FOXO1: variants seen among roughly 807,000 people sequenced by gnomAD.
FOXO1 encodes the protein forkhead box O1, also known as forkhead box protein O1.
Under a neutral mutation model 44.1 loss-of-function variants are expected in FOXO1, and 6 were observed. The ratio of observed to expected loss-of-function variants is 0.14; its 90% confidence interval spans 0.07 to 0.27. The LOEUF (loss-of-function observed/expected upper bound fraction) is 0.27, where lower values mean the gene tolerates loss of function less well. Among genes scored for constraint, FOXO1 ranks in the 10% least tolerant of loss-of-function variants. FOXO1 has a pLI of 1.00. For missense variants in FOXO1, 737 were observed against 888.8 expected, an observed-to-expected ratio of 0.83 and a Z score of 2.17; for synonymous variants, 380 against 362.7, an observed-to-expected ratio of 1.05 and a Z score of -0.54.
At chr13:40,613,533 T>C (rs557266137) in intron 1 of FOXO1, among the ~76,000 whole-genome samples, 1 of 152,304 alleles carries the variant, frequency 6.6e-6, no homozygotes, top group South Asian at 2.1e-4. Flanking sequence ...CCGGTCCCCA[T>C]CTGCAGTTTG....
chr13:40,647,099 A>G (rs952069620), intron 1 of FOXO1, among the ~76,000 whole-genome samples: 1 of 152,232 alleles, frequency 6.6e-6, no homozygotes, highest in African/African-American at 2.4e-5. Flanking sequence ...GGAAGTCTAC[A>G]TTAGTAAAGT....
rs1430919534 is a variant in FOXO1 at position 40,559,508 on chromosome 13, C to A, written c.*14+1G>T. On this transcript the variant is annotated splice_donor_variant, in intron 2 of 2. Transcript: ENST00000379561. LOFTEE classifies it low-confidence loss of function (3UTR_SPLICE). The stretch of plus-strand genomic sequence containing the variant: ...GTCTTTTGATATTGGGGTGAACTTA[C>A]CTGCTCACTAACCCTCAGCCTGACA... The A allele has an allele frequency of 6.4e-7, 1 of 1,561,654 alleles. No individual in the cohort carries two copies.
At chr13:40,590,460 G>A (rs182723531) in intron 1 of FOXO1, among the ~76,000 whole-genome samples, 17 of 152,312 alleles carry the variant, frequency 1.1e-4, no homozygotes, top group Non-Finnish European at 1.8e-4. Flanking sequence ...TGCCCCTCTT[G>A]CGGAGTTACA....
Position 40,559,874 on chromosome 13 carries a change from C to G in FOXO1, c.1617G>C (p.Leu539=), listed in dbSNP as rs778538205. 3.7e-6 allele frequency: 6 copies of G among 1,614,074 alleles called. No individual in the cohort carries two copies. The highest frequency in any genetic ancestry group is 5.1e-6 in the Non-Finnish European group (6 of 1,179,992). Residue 539 remains leucine (L), a synonymous_variant, in exon 2 of 3, where the codon CTG becomes CTC. Transcript: ENST00000379561. ...QQTSAVNGRP[L]PHTVSTMPHT... Reference sequence around the variant, plus strand: ...GGGGCATGGTGCTTACCGTGTGGGGCAGGGGACGCCCGTTAACTGCAGATG... The same window carrying G: ...GGGGCATGGTGCTTACCGTGTGGGGGAGGGGACGCCCGTTAACTGCAGATG...
intron 1 of FOXO1, among the ~76,000 whole-genome samples, chr13:40,651,261 A>G (rs190918690): frequency 5.3e-4 from 81 of 152,142 alleles, no homozygotes; most frequent in Non-Finnish European, 1.0e-3. Flanking sequence ...CTTCCTTTTT[A>G]TAAAAAGTAC....
chr13:40,632,839 G>A (rs1446259766), intron 1 of FOXO1, among the ~76,000 whole-genome samples: 1 of 151,548 alleles, frequency 6.6e-6, no homozygotes, highest in Non-Finnish European at 1.5e-5. Flanking sequence ...CAGCTACTTG[G>A]GAGGCTGAGG....
intron 1 of FOXO1, among the ~76,000 whole-genome samples, chr13:40,664,304 G>C (rs976930194): frequency 6.6e-6 from 1 of 152,142 alleles, no homozygotes; most frequent in Non-Finnish European, 1.5e-5. Flanking sequence ...AGCTCAACTA[G>C]ACAGCCTTTA....
At position 40,666,160 on chromosome 13, in the gene FOXO1, G is replaced by A; in HGVS notation, c.53C>T (p.Pro18Leu). ...CGGCCAGGTGCACGAGCGCGGCCGG[G>A]GCAGCGGCTCGAAGTCCGGGTCGAT... ...VEIDPDFEPL[P>L]RPRSCTWPLP... The change falls in exon 1 of 3, where the codon CCC (proline) becomes CTC (leucine). Residue 18 changes from proline (P) to leucine (L), a missense_variant. Around this residue, in one of 7 missense-constraint regions of FOXO1, gnomAD observed 213 missense variants for 236.4 expected, o/e 0.90. Coordinates refer to ENST00000379561, the MANE Select transcript of FOXO1 (RefSeq NM_002015.4). The A allele has an allele frequency of 6.8e-7, 1 of 1,463,218 alleles. No individual in the cohort carries two copies. Among genetic ancestry groups the A allele is most frequent in the Non-Finnish European group, 9.0e-7 (1 of 1,110,828 alleles). The allele number at this position is 1,463,218 out of a possible 1,614,324, so 90.6% of individuals were successfully genotyped here.
At chr13:40,614,654 C>T (rs1039459768) in intron 1 of FOXO1, among the ~76,000 whole-genome samples, 4 of 152,198 alleles carry the variant, frequency 2.6e-5, no homozygotes, top group African/African-American at 9.7e-5. Context: ...CTCCCCTTAT[C>T]TGGTGGCCAG....
At chr13:40,645,392 C>T (rs1319158943) in intron 1 of FOXO1, among the ~76,000 whole-genome samples, 2 of 152,174 alleles carry the variant, frequency 1.3e-5, no homozygotes, top group Admixed American at 6.5e-5. Context: ...ATTTAGCTCA[C>T]TCCCCTAAGT....
chr13:40,588,660 C>G (rs892166197), intron 1 of FOXO1, among the ~76,000 whole-genome samples: 11 of 152,176 alleles, frequency 7.2e-5, no homozygotes, highest in Admixed American at 5.9e-4. Context: ...CAACCCACCC[C>G]GGCAGAGGCC....
intron 1 of FOXO1, among the ~76,000 whole-genome samples, chr13:40,585,500 C>G (rs1875130748): frequency 2.0e-5 from 3 of 152,218 alleles, no homozygotes; most frequent in Non-Finnish European, 2.9e-5. Context: ...CCAGCTTCAG[C>G]TGTTCCAGCT....
intron 1 of FOXO1, among the ~76,000 whole-genome samples, chr13:40,651,617 C>T (rs1877690739): frequency 6.6e-6 from 1 of 151,782 alleles, no homozygotes; most frequent in Non-Finnish European, 1.5e-5. Flanking sequence ...GTTTTATCAT[C>T]ATCAGAAAGA....
At chr13:40,644,701 T>C (rs1203132412) in intron 1 of FOXO1, among the ~76,000 whole-genome samples, 1 of 152,194 alleles carries the variant, frequency 6.6e-6, no homozygotes, top group Admixed American at 6.5e-5. Context: ...AAAATGTCTT[T>C]GGGATTATTC....
chr13:40,665,150 G>C (rs1475115182), intron 1 of FOXO1, among the ~76,000 whole-genome samples: 1 of 151,750 alleles, frequency 6.6e-6, no homozygotes, highest in Non-Finnish European at 1.5e-5. Context: ...CCCCCGCCGC[G>C]CCCGGCGGAA....
intron 1 of FOXO1, among the ~76,000 whole-genome samples, chr13:40,613,838 G>A (rs189977966): frequency 2.5e-4 from 38 of 152,314 alleles, no homozygotes; most frequent in Non-Finnish European, 3.1e-4. Flanking sequence ...AGCTTTCATG[G>A]AACTGAAGTT....
intron 1 of FOXO1, among the ~76,000 whole-genome samples, chr13:40,564,153 C>T (rs1874165755): frequency 6.6e-6 from 1 of 152,098 alleles, no homozygotes; most frequent in Admixed American, 6.5e-5. Context: ...CATGATAAGC[C>T]TGTCAGATCA....
intron 1 of FOXO1, among the ~76,000 whole-genome samples, chr13:40,629,189 C>A (rs1301383817): frequency 1.3e-5 from 2 of 151,592 alleles, no homozygotes; most frequent in African/African-American, 4.9e-5. Flanking sequence ...GTTGCCCAGG[C>A]TGGAGTGCAG....
intron 1 of FOXO1, among the ~76,000 whole-genome samples, chr13:40,608,542 T>C (rs1239667272): frequency 6.6e-6 from 1 of 152,250 alleles, no homozygotes; most frequent in African/African-American, 2.4e-5. Context: ...TACAATGTGT[T>C]ATCCTTCAAG....
Sources: allele counts gnomAD v4.1 joint callset (sites outside exome capture counted in the v4.1 genomes callset), GRCh38; gene constraint gnomAD v4.1.1; regional missense constraint gnomAD v4.1.1; transcripts MANE v1.5; gene names NCBI Gene and HGNC (gene_info 2026-07-23, HGNC 2026-07-21).